Variants in SYNGR1 observed in about 807,000 individuals in gnomAD.
SYNGR1 encodes the protein synaptogyrin 1.
SYNGR1 carries 14 observed loss-of-function variants against 26.1 expected under a neutral mutation model. The ratio of observed to expected loss-of-function variants is 0.54; its 90% confidence interval spans 0.35 to 0.84. The LOEUF is 0.84. SYNGR1 is among the 40% of genes least tolerant of loss of function. The pLI, the probability that SYNGR1 is intolerant of heterozygous loss-of-function variation, is 0.01. For synonymous variants in SYNGR1, 141 were observed against 150.1 expected (o/e 0.94, Z 0.44); for missense variants, 319 against 332.9 (o/e 0.96, Z 0.33).
At chr22:39,353,672 G>T (rs767477334) in intron 1 of SYNGR1, among the ~76,000 whole-genome samples, 1 of 152,208 alleles carries the variant, frequency 6.6e-6, no homozygotes, top group Non-Finnish European at 1.5e-5. Context: ...GATCTGTTGC[G>T]CGGTGACTGC....
rs759459313 is a variant in SYNGR1, at chr22:39,374,671, G to T, written c.337+118G>T. The T allele has an allele frequency of 7.3e-6, 8 of 1,096,994 alleles. No individual in the cohort carries two copies. The East Asian group carries it at 1.0e-4, about 14-fold the overall frequency. The allele number at this position is 1,096,994 out of a possible 1,614,324, so 68.0% of individuals were successfully genotyped here. ...AGATGAGGAAATGAGGTGCAGGCGG[G>T]TGAAGGGATGGACTCAGGGTCACAT... On this transcript the variant is annotated intron_variant, in intron 2 of 3. Coordinates refer to ENST00000328933, the MANE Select transcript of SYNGR1 (RefSeq NM_004711.5).
intron 1 of SYNGR1, among the ~76,000 whole-genome samples, chr22:39,356,129 C>T (rs1171466338): frequency 3.3e-5 from 5 of 152,192 alleles, no homozygotes; most frequent in African/African-American, 9.7e-5. Context: ...TGCAGTGGCA[C>T]GATCTCAGCT....
chr22:39,373,379 G>T (rs1925120661), intron 1 of SYNGR1, among the ~76,000 whole-genome samples: 1 of 152,108 alleles, frequency 6.6e-6, no homozygotes, highest in Non-Finnish European at 1.5e-5. Flanking sequence ...TGTTGGCCAG[G>T]CTGGTCTCAA....
At chr22:39,379,672 C>T (rs1191959217) in intron 3 of SYNGR1, 2 of 151,288 alleles carry the variant, frequency 1.3e-5, no homozygotes, top group Non-Finnish European at 2.9e-5. Flanking sequence ...TGCCCAGTCA[C>T]TGGGTTTCTG....
intron 1 of SYNGR1, among the ~76,000 whole-genome samples, chr22:39,371,002 A>G (rs1219727741): frequency 6.6e-6 from 1 of 152,196 alleles, no homozygotes; most frequent in Non-Finnish European, 1.5e-5. Flanking sequence ...TATTGGTTTC[A>G]TATATGCTAC....
intron 3 of SYNGR1, chr22:39,377,886 T>A (rs1925359512): frequency 1.4e-6 from 2 of 1,456,708 alleles, no homozygotes; most frequent in Non-Finnish European, 1.8e-6. Flanking sequence ...CATGCGTTCA[T>A]TCATTCAGTA....
Position 39,374,565 on chromosome 22 carries a change from C to T in SYNGR1, c.337+12C>T. 6.2e-7 allele frequency: 1 copy of T among 1,612,292 alleles called. No homozygotes were observed. The highest frequency in any genetic ancestry group is 2.2e-5 in the East Asian group (1 of 44,870). On this transcript the variant is annotated intron_variant, in intron 2 of 3. Transcript: ENST00000328933. ...CATCGGTGTCTCGGGTGAGCCCCAC[C>T]CAGCAGGTACCCCCTGCACAGAGTC...
intron 1 of SYNGR1, among the ~76,000 whole-genome samples, chr22:39,373,293 C>T (rs747524479): frequency 6.6e-6 from 1 of 151,702 alleles, no homozygotes; most frequent in African/African-American, 2.4e-5. Flanking sequence ...CTCAGCCTCC[C>T]GAGTAGCTGG....
chr22:39,365,387 G>A (rs1420611389), intron 1 of SYNGR1, among the ~76,000 whole-genome samples: 1 of 152,122 alleles, frequency 6.6e-6, no homozygotes, highest in Non-Finnish European at 1.5e-5. Flanking sequence ...GCCCAGCTGC[G>A]AGACCTGTGC....
chr22:39,374,533 T>A lies in SYNGR1; in HGVS notation c.317T>A (p.Leu106Gln), dbSNP rs749665196. The A allele has an allele frequency of 6.2e-7, 1 of 1,613,518 alleles. No individual in the cohort carries two copies. The highest frequency in any genetic ancestry group is 1.1e-5 in the South Asian group (1 of 91,076). Residue 106 changes from leucine to glutamine, a missense_variant, in exon 2 of 4, where the codon CTG becomes CAG. By Grantham distance (113) the Leu-to-Gln change is moderately radical. Transcript: ENST00000328933. ...SSVKDRKKAVLSDIGVSAFWA... is the reference protein window; with the variant it reads ...SSVKDRKKAVQSDIGVSAFWA... ...GTCAAGGACCGCAAGAAAGCCGTCCTGTCCGACATCGGTGTCTCGGGTGAG... is the reference window on the plus strand; with the variant it reads ...GTCAAGGACCGCAAGAAAGCCGTCCAGTCCGACATCGGTGTCTCGGGTGAG...
At chr22:39,376,286 G>A (rs549395136) in intron 3 of SYNGR1, 89 bp downstream of exon 3, 46 of 1,601,992 alleles carry the variant, frequency 2.9e-5, no homozygotes, top group South Asian at 2.8e-4. Context: ...CCTGGGACCC[G>A]CTCTGCCTCT....
At chr22:39,375,685 T>C (rs1193613972) in intron 2 of SYNGR1, 10 of 577,984 alleles carry the variant, frequency 1.7e-5, no homozygotes, top group Middle Eastern at 4.5e-4. Context: ...ACGTCAGCGG[T>C]GTGGCTGGAC....
intron 1 of SYNGR1, among the ~76,000 whole-genome samples, chr22:39,362,472 G>GT (rs1924525729): frequency 6.6e-6 from 1 of 152,088 alleles, no homozygotes; most frequent in African/African-American, 2.4e-5. Flanking sequence ...TTTCCCCAGA[G>GT]TGAGACTCTT....
Position 39,350,079 on chromosome 22 carries a change from G to A in SYNGR1, c.69G>A (p.Gln23=). 6.8e-7 allele frequency: 1 copy of A among 1,470,112 alleles called. No homozygotes were observed. The highest frequency in any genetic ancestry group is 1.5e-5 in the African/African-American group (1 of 68,376). The allele number at this position is 1,470,112 out of a possible 1,614,324, so 91.1% of individuals were successfully genotyped here. A position where few individuals can be genotyped will look rare whatever the true frequency, so the allele number is the denominator to read the frequency against. The change falls in exon 1 of 4, where the codon CAG becomes CAA. Residue 23 remains glutamine, a synonymous_variant. Coordinates refer to ENST00000328933, the MANE Select transcript of SYNGR1 (RefSeq NM_004711.5). This position sits in a 1 kb window ranked among gnomAD's most constrained non-coding sequence, Gnocchi z 4.3. The stretch of plus-strand genomic sequence containing the variant: ...TCGACCCCTACACCCTGGTCCGGCA[G>A]CCGCACACCATCCTGCGCGTCGTGT... The part of the protein sequence containing the change: ...GAFDPYTLVR[Q]PHTILRVVSW...
intron 1 of SYNGR1, among the ~76,000 whole-genome samples, chr22:39,352,041 G>A (rs928416738): frequency 2.0e-5 from 3 of 152,210 alleles, no homozygotes; most frequent in Non-Finnish European, 2.9e-5. Flanking sequence ...AGGAAGCTGC[G>A]GCTCAGCGAG....
intron 1 of SYNGR1, among the ~76,000 whole-genome samples, chr22:39,363,671 G>C (rs1924594950): frequency 6.6e-6 from 1 of 152,082 alleles, no homozygotes; most frequent in African/African-American, 2.4e-5. Flanking sequence ...TTGAGGTTTG[G>C]AGTGGGTGAT....
At chr22:39,367,139 A>G (rs1380861517) in intron 1 of SYNGR1, among the ~76,000 whole-genome samples, 1 of 152,108 alleles carries the variant, frequency 6.6e-6, no homozygotes, top group Non-Finnish European at 1.5e-5. Context: ...GTTCTTCATG[A>G]CACTTGTCTC....
intron 2 of SYNGR1, chr22:39,375,646 C>G (rs1925244189): frequency 1.9e-6 from 1 of 520,012 alleles, no homozygotes; most frequent in African/African-American, 1.9e-5. Flanking sequence ...TGCAGAGTTG[C>G]AGGCATCAGG....
At chr22:39,352,238 A>G (rs1464137674) in intron 1 of SYNGR1, among the ~76,000 whole-genome samples, 1 of 152,236 alleles carries the variant, frequency 6.6e-6, no homozygotes, top group Non-Finnish European at 1.5e-5. Context: ...ACGACCCCAC[A>G]GCCTCCCAGT....
Sources: allele counts gnomAD v4.1 joint callset (sites outside exome capture counted in the v4.1 genomes callset), GRCh38; gene constraint gnomAD v4.1.1; non-coding constraint Gnocchi (gnomAD v3.1); transcripts MANE v1.5; gene names NCBI Gene and HGNC (gene_info 2026-07-23, HGNC 2026-07-21).